Variants in SRP19 observed in about 807,000 individuals in gnomAD.
SRP19 encodes signal recognition particle 19.
A neutral mutation model predicts 22.4 loss-of-function variants in SRP19; 11 were observed. The ratio of observed to expected loss-of-function variants is 0.49; its 90% confidence interval spans 0.31 to 0.81. The LOEUF (loss-of-function observed/expected upper bound fraction) is 0.81. Ranked by LOEUF, SRP19 falls within the 40% of genes least tolerant of loss-of-function variation. The pLI is 0.05. For missense variants in SRP19, 168 were observed against 175.9 expected (o/e 0.96, Z 0.25); for synonymous variants, 61 against 57.6 (o/e 1.06, Z -0.27).
At chr5:112,891,029 G>C (rs1768427085) in intron 4 of SRP19, among the ~76,000 whole-genome samples, 1 of 150,432 alleles carries the variant, frequency 6.6e-6, no homozygotes, top group South Asian at 2.1e-4. Context: ...CTTTCAGTAG[G>C]GGAAAGCAAA....
chr5:112,878,748 A>G (rs1767972522), intron 4 of SRP19: 9 of 1,612,204 alleles, frequency 5.6e-6, no homozygotes, highest in Non-Finnish European at 6.8e-6. Context: ...TCCAGTAGGA[A>G]GGTACAGAGA....
downstream of SRP19, among the ~76,000 whole-genome samples, chr5:112,871,039 A>G (rs1268711795): frequency 2.0e-5 from 3 of 152,086 alleles, no homozygotes; most frequent in Non-Finnish European, 2.9e-5. Flanking sequence ...TTTTTAGTAA[A>G]GATGGGGTTT....
intron 4 of SRP19, chr5:112,878,040 A>C (rs1306182361): frequency 9.6e-6 from 1 of 104,008 alleles, no homozygotes; most frequent in Non-Finnish European, 2.2e-5. Context: ...CCGATTTATC[A>C]CTAGAGTGAG....
chr5:112,879,378 C>CTA lies in SRP19; in HGVS notation c.302-12224_302-12223dup, dbSNP rs1767999997. Among the ~76,000 whole-genome samples the CTA allele has an allele frequency of 2.0e-5, 3 of 151,962 alleles. No individual in the cohort carries two copies. In the South Asian group the frequency reaches 6.3e-4, roughly 32 times the overall value. ...GGAGAGGAGATTAGTTCCAGGAACC[C>CTA]TACAGATACCAAAATCTGTGAGTGC... On this transcript the variant is annotated intron_variant, in intron 4 of 4. Transcript: ENST00000391338.
intron 4 of SRP19, chr5:112,887,136 A>G (rs1768278454): frequency 6.2e-7 from 1 of 1,612,724 alleles, no homozygotes; most frequent in Non-Finnish European, 8.5e-7. Flanking sequence ...AGAGCAGTTC[A>G]GCCCCATTAG....
chr5:112,878,743 T>G, intron 4 of SRP19: 1 of 1,610,882 alleles, frequency 6.2e-7, no homozygotes, highest in Non-Finnish European at 8.5e-7. Context: ...CAAGCTCCAG[T>G]AGGAAGGTAC....
In SRP19 at chr5:112,867,778, A is replaced by T. The variant is rs1580717004; in HGVS notation, c.*241A>T. 1 of 1,217,082 alleles carries T rather than the reference A, an allele frequency of 8.2e-7. No homozygotes were observed. The highest frequency in any genetic ancestry group is 1.0e-6 in the Non-Finnish European group (1 of 975,884). The allele number at this position is 1,217,082 out of a possible 1,614,324, so 75.4% of individuals were successfully genotyped here. The stretch of plus-strand genomic sequence containing the variant: ...CTTTCAATGCAGTTTTTTGGAAGAA[A>T]ATATTTTTAAATGGACAATGGACTG... On this transcript the variant is annotated 3_prime_UTR_variant, in exon 5 of 5. Transcript: ENST00000505459.
intron 4 of SRP19, among the ~76,000 whole-genome samples, chr5:112,890,984 A>G (rs1768424633): frequency 6.6e-6 from 1 of 150,952 alleles, no homozygotes; most frequent in African/African-American, 2.5e-5. Context: ...TTCTAACAAC[A>G]TCTATGAAAC....
At chr5:112,870,233 T>G (rs982285225), downstream of SRP19, among the ~76,000 whole-genome samples, 6 of 152,096 alleles carry the variant, frequency 3.9e-5, no homozygotes, top group African/African-American at 1.4e-4. Flanking sequence ...ACACCTATAA[T>G]CGCGGCACAT....
exon 5 of SRP19, chr5:112,892,759 C>CA (rs773392590): frequency 5.6e-6 from 9 of 1,613,820 alleles, no homozygotes; most frequent in Non-Finnish European, 7.6e-6. Flanking sequence ...GAAGATGGGC[C>CA]ACCACGACCA....
At chr5:112,878,617 T>C in intron 4 of SRP19, 1 of 974,850 alleles carries the variant, frequency 1.0e-6, no homozygotes, top group Non-Finnish European at 1.5e-6. Context: ...TCCCTATATA[T>C]ATAGACAGTA....
downstream of SRP19, chr5:112,896,442 G>C (rs1768682487): frequency 6.6e-6 from 1 of 152,250 alleles, no homozygotes; most frequent in Non-Finnish European, 1.5e-5. Flanking sequence ...AGAATTGCTT[G>C]AATGCGGGAA....
intron 4 of SRP19, among the ~76,000 whole-genome samples, chr5:112,890,383 A>T (rs560359938): frequency 2.6e-4 from 39 of 147,670 alleles, no homozygotes; most frequent in South Asian, 1.7e-3. Flanking sequence ...TTTTTTTTTT[A>T]AATAAAAAAG....
chr5:112,892,140 C>T lies in SRP19; in HGVS notation c.*533C>T, dbSNP rs573726695. ...AAAACCCAGAACCACCCGTGGATTT[C>T]AGAGTAATGGAGAAGGATCGAGCTA... is the stretch of plus-strand genomic sequence containing the variant. On this transcript the variant is annotated 3_prime_UTR_variant, in exon 5 of 5. Coordinates refer to the SRP19 transcript ENST00000391338. 16 of 1,614,160 alleles carry T rather than the reference C, an allele frequency of 9.9e-6. No homozygotes were observed. In the Admixed American group the frequency reaches 1.2e-4, roughly 12 times the overall value.
intron 4 of SRP19, among the ~76,000 whole-genome samples, chr5:112,865,390 G>A (rs1031926663): frequency 2.0e-5 from 3 of 152,066 alleles, no homozygotes; most frequent in South Asian, 2.1e-4. Flanking sequence ...ATAGCAAAAC[G>A]ACATCAATAT....
At chr5:112,881,451 A>G (rs1486277976) in intron 4 of SRP19, among the ~76,000 whole-genome samples, 1 of 152,170 alleles carries the variant, frequency 6.6e-6, no homozygotes, top group Non-Finnish European at 1.5e-5. Flanking sequence ...CTCAAGACCC[A>G]TCACTGGCAA....
At chr5:112,883,175 T>C (rs184013846) in intron 4 of SRP19, among the ~76,000 whole-genome samples, 13 of 152,282 alleles carry the variant, frequency 8.5e-5, no homozygotes, top group African/African-American at 3.1e-4. Flanking sequence ...CTTCCAGTTA[T>C]AGCCCCATTC....
At chr5:112,865,264 C>CA (rs1455523302) in intron 4 of SRP19, 1 of 152,262 alleles carries the variant, frequency 6.6e-6, no homozygotes, top group Non-Finnish European at 1.5e-5. Context: ...TGTAAGGAAA[C>CA]ACTCATTCTT....
intron 4 of SRP19, among the ~76,000 whole-genome samples, chr5:112,881,122 C>CT (rs1274584127): frequency 1.7e-4 from 12 of 69,540 alleles, no homozygotes; most frequent in African/African-American, 9.3e-4. Flanking sequence ...GAGTGAGACT[C>CT]TGTTTCAAAA....
Sources: allele counts gnomAD v4.1 joint callset (sites outside exome capture counted in the v4.1 genomes callset), GRCh38; gene constraint gnomAD v4.1.1; transcripts MANE v1.5; gene names NCBI Gene and HGNC (gene_info 2026-07-23, HGNC 2026-07-21).